Variants in SLCO3A1 observed in about 807,000 individuals in gnomAD.
The protein encoded by SLCO3A1 is solute carrier organic anion transporter family member 3A1, also known as PGE1 transporter.
In SLCO3A1, 27 loss-of-function variants were observed where a neutral mutation model predicts 63.1. That is an observed-to-expected ratio of 0.43 (90% CI 0.32 to 0.59). SLCO3A1 has a LOEUF of 0.59. Among genes scored for constraint, SLCO3A1 ranks in the 20% least tolerant of loss-of-function variants. SLCO3A1 has a pLI of 0.09. For missense variants in SLCO3A1, 773 were observed against 945.8 expected (o/e 0.82, Z 2.40); for synonymous variants, 473 against 409.9 (o/e 1.15, Z -1.86).
At chr15:91,896,703 A>G (rs4244908) in intron 1 of SLCO3A1, among the ~76,000 whole-genome samples, 75,533 of 152,094 alleles carry the variant, frequency 0.5, 19,816 homozygotes, top group East Asian at 0.84. Context: ...CTGTGAGTCC[A>G]TTAAACCTCT....
At chr15:92,091,607 C>T (rs1440532815) in intron 2 of SLCO3A1, among the ~76,000 whole-genome samples, 1 of 152,206 alleles carries the variant, frequency 6.6e-6, no homozygotes, top group East Asian at 1.9e-4. Context: ...GAAGGCACTT[C>T]CCGATGCACG....
At chr15:91,965,944 C>G (rs981928978) in intron 2 of SLCO3A1, among the ~76,000 whole-genome samples, 8 of 152,090 alleles carry the variant, frequency 5.3e-5, no homozygotes, top group African/African-American at 1.7e-4. Context: ...TAGGAGCCCT[C>G]AAGGAGATTG....
chr15:91,953,168 T>C (rs1195644654), intron 2 of SLCO3A1, among the ~76,000 whole-genome samples: 2 of 152,172 alleles, frequency 1.3e-5, no homozygotes, highest in African/African-American at 4.8e-5. Context: ...AGGAAACATC[T>C]ATATATAAAG....
At chr15:92,143,467 T>TATATA (rs1462977606) in intron 7 of SLCO3A1, among the ~76,000 whole-genome samples, 3 of 16,776 alleles carry the variant, frequency 1.8e-4, no homozygotes, top group African/African-American at 1.1e-3. Flanking sequence ...ATAATATATA[T>TATATA]AAATATATAT....
At chr15:92,149,880 C>G (rs1480095412) in intron 8 of SLCO3A1, 2 of 152,148 alleles carry the variant, frequency 1.3e-5, no homozygotes, top group Non-Finnish European at 2.9e-5. Flanking sequence ...ATGTGTCTGT[C>G]TTTCAAGTCA....
In SLCO3A1 at chr15:92,106,712, G is replaced by C. The variant is rs148535415; in HGVS notation, c.1009+2170G>C. Reference sequence around the variant, plus strand: ...GAACTCACCATCCCACACAGGACCAGGTCTGCAAGTCAGCAAAGGCAGCCC... The same window carrying C: ...GAACTCACCATCCCACACAGGACCACGTCTGCAAGTCAGCAAAGGCAGCCC... On this transcript the variant is annotated intron_variant, in intron 4 of 9. Coordinates refer to ENST00000318445, the MANE Select transcript of SLCO3A1 (RefSeq NM_013272.4). Among the ~76,000 whole-genome samples, 182 of 152,274 alleles carry C rather than the reference G, an allele frequency of 1.2e-3. 2 individuals are homozygous for C. In the East Asian group the frequency reaches 0.031, roughly 26 times the overall value.
chr15:92,143,270 T>C (rs2048159316), intron 7 of SLCO3A1, among the ~76,000 whole-genome samples: 1 of 134,500 alleles, frequency 7.4e-6, no homozygotes, highest in East Asian at 2.1e-4. Flanking sequence ...GATGGATGGT[T>C]GCAAGTAGTT....
At chr15:92,059,485 C>T (rs2047060709) in intron 2 of SLCO3A1, among the ~76,000 whole-genome samples, 2 of 152,220 alleles carry the variant, frequency 1.3e-5, no homozygotes, top group Admixed American at 1.3e-4. Flanking sequence ...CAGGGCTTCA[C>T]AGGACACATG....
At chr15:92,050,542 C>T (rs1032964632) in intron 2 of SLCO3A1, among the ~76,000 whole-genome samples, 5 of 152,128 alleles carry the variant, frequency 3.3e-5, no homozygotes, top group Admixed American at 1.3e-4. Flanking sequence ...CCTCATTACC[C>T]ACATCTTACG....
intron 2 of SLCO3A1, among the ~76,000 whole-genome samples, chr15:92,014,382 G>C (rs2046402396): frequency 6.6e-6 from 1 of 152,172 alleles, no homozygotes; most frequent in Non-Finnish European, 1.5e-5. Flanking sequence ...TCTTCGGAGG[G>C]CTGCAGGAGT....
chr15:91,938,244 A>G (rs535441736), intron 2 of SLCO3A1, among the ~76,000 whole-genome samples: 1 of 152,304 alleles, frequency 6.6e-6, no homozygotes, highest in Admixed American at 6.5e-5. Flanking sequence ...TGTGAAATTT[A>G]GGTATTGTCT....
rs758192477 is a variant in SLCO3A1, at chr15:92,128,493, A to G, written c.1512+4A>G. On this transcript the variant is annotated splice_donor_region_variant and intron_variant, in intron 7 of 9. Coordinates refer to ENST00000318445, the MANE Select transcript of SLCO3A1 (RefSeq NM_013272.4). ...CTTTGCTGGCTGCAACAGCACGGTA[A>G]TGGGATGGGGCAGGGGATGGGGCAG... is the stretch of plus-strand genomic sequence containing the variant. 4 of 1,612,330 alleles carry G rather than the reference A, an allele frequency of 2.5e-6. No individual in the cohort carries two copies. In the Admixed American group the frequency reaches 6.7e-5, roughly 27 times the overall value.
At chr15:92,045,964 C>T (rs898717911) in intron 2 of SLCO3A1, among the ~76,000 whole-genome samples, 16 of 152,060 alleles carry the variant, frequency 1.1e-4, no homozygotes, top group Admixed American at 1.0e-3. Context: ...GACAGTACAC[C>T]GGTGCGCATC....
At chr15:91,994,931 A>G (rs1224786820) in intron 2 of SLCO3A1, among the ~76,000 whole-genome samples, 1 of 152,108 alleles carries the variant, frequency 6.6e-6, no homozygotes, top group Admixed American at 6.5e-5. Flanking sequence ...CAGCACAGGT[A>G]CTCACAGCTC....
intron 2 of SLCO3A1, among the ~76,000 whole-genome samples, chr15:91,978,598 A>T (rs1901211235): frequency 1.3e-5 from 2 of 152,124 alleles, no homozygotes; most frequent in Non-Finnish European, 1.5e-5. Flanking sequence ...AGTGGAATGT[A>T]TTTTTCTTAC....
At chr15:92,161,268 C>CT (rs1208653341) in intron 9 of SLCO3A1, among the ~76,000 whole-genome samples, 1 of 152,198 alleles carries the variant, frequency 6.6e-6, no homozygotes, top group Non-Finnish European at 1.5e-5. Context: ...AGATGACACT[C>CT]TCCCCCTTCA....
In SLCO3A1 at chr15:92,163,669, G is replaced by A. The variant is rs2048469148; in HGVS notation, c.*534G>A. On this transcript the variant is annotated 3_prime_UTR_variant, in exon 10 of 10. Coordinates refer to ENST00000318445, the MANE Select transcript of SLCO3A1 (RefSeq NM_013272.4). Reference sequence around the variant, plus strand: ...GGGGGCGGGCGCACAAGTCGGAGGGGTGGAAGCACCACTCCTCTCTCTGAC... The same window carrying A: ...GGGGGCGGGCGCACAAGTCGGAGGGATGGAAGCACCACTCCTCTCTCTGAC... The A allele has an allele frequency of 2.0e-6, 2 of 985,240 alleles. No individual in the cohort carries two copies. Among genetic ancestry groups the A allele is most frequent in the Admixed American group, 6.1e-5 (1 of 16,268 alleles). 61.0% of individuals were successfully genotyped at this position (985,240 alleles called of 1,614,324 possible).
At chr15:91,877,604 C>T (rs898517708) in intron 1 of SLCO3A1, among the ~76,000 whole-genome samples, 6 of 152,016 alleles carry the variant, frequency 3.9e-5, no homozygotes, top group African/African-American at 1.5e-4. Context: ...AGAGGCTCCA[C>T]AGCAGTGAAG....
At chr15:91,946,525 T>C (rs1899812591) in intron 2 of SLCO3A1, among the ~76,000 whole-genome samples, 1 of 152,168 alleles carries the variant, frequency 6.6e-6, no homozygotes, top group African/African-American at 2.4e-5. Context: ...TTATGTTATA[T>C]GAAAATGATG....
Sources: gnomAD v4.1 joint callset for allele counts (sites outside exome capture counted in the v4.1 genomes callset) on GRCh38, gnomAD v4.1.1 for gene constraint, MANE v1.5 for transcripts, NCBI Gene and HGNC (gene_info 2026-07-23, HGNC 2026-07-21) for gene names.